KCNK9: variants seen among roughly 807,000 people sequenced by gnomAD.
KCNK9 encodes potassium channel subfamily K member 9.
A neutral mutation model predicts 10.8 loss-of-function variants in KCNK9; 1 was observed. That is an observed-to-expected ratio of 0.09 (90% CI 0.03 to 0.44). The LOEUF (loss-of-function observed/expected upper bound fraction) is 0.44, where lower values mean the gene tolerates loss of function less well. Ranked by LOEUF, KCNK9 falls within the 20% of genes least tolerant of loss-of-function variation. The pLI, the probability that KCNK9 is intolerant of heterozygous loss-of-function variation, is 0.97. For missense variants in KCNK9, 303 were observed against 515.0 expected, an observed-to-expected ratio of 0.59 and a Z score of 3.98; for synonymous variants, 231 against 222.7, an observed-to-expected ratio of 1.04 and a Z score of -0.33.
chr8:139,664,303 G>A (rs1270791270), intron 1 of KCNK9, among the ~76,000 whole-genome samples: 2 of 152,098 alleles, frequency 1.3e-5, no homozygotes, highest in Admixed American at 1.3e-4. Flanking sequence ...AGCAAACCCT[G>A]CTGGTTCCAC....
intron 1 of KCNK9, among the ~76,000 whole-genome samples, chr8:139,651,608 C>T (rs1033324448): frequency 6.6e-6 from 1 of 152,112 alleles, no homozygotes; most frequent in East Asian, 1.9e-4. Flanking sequence ...TGGTGTTGGA[C>T]CTTCTGTAGC....
chr8:139,663,005 C>T (rs531427511), intron 1 of KCNK9, among the ~76,000 whole-genome samples: 9 of 152,070 alleles, frequency 5.9e-5, no homozygotes, highest in African/African-American at 2.2e-4. Flanking sequence ...CACACCAGGG[C>T]AGCACCCCTC....
intron 1 of KCNK9, among the ~76,000 whole-genome samples, chr8:139,665,269 T>C (rs1380193511): frequency 3.9e-5 from 6 of 152,184 alleles, no homozygotes; most frequent in Non-Finnish European, 8.8e-5. Flanking sequence ...CTGCACTGCA[T>C]GGCTCATAGA....
chr8:139,609,777 G>T (rs1177166775), downstream of KCNK9, among the ~76,000 whole-genome samples: 1 of 152,186 alleles, frequency 6.6e-6, no homozygotes, highest in Non-Finnish European at 1.5e-5. Context: ...GCAACAGAGG[G>T]TGTTGGGGGA....
intron 1 of KCNK9, among the ~76,000 whole-genome samples, chr8:139,697,243 G>A (rs1051787247): frequency 6.6e-6 from 1 of 151,020 alleles, no homozygotes; most frequent in Non-Finnish European, 1.5e-5. Flanking sequence ...GGGTAGGTGG[G>A]TAGATGGGTG....
chr8:139,651,183 C>T (rs1815851019), intron 1 of KCNK9, among the ~76,000 whole-genome samples: 1 of 152,196 alleles, frequency 6.6e-6, no homozygotes, highest in Non-Finnish European at 1.5e-5. Flanking sequence ...AGCAGTTCCC[C>T]AAAATATGCC....
intron 1 of KCNK9, among the ~76,000 whole-genome samples, chr8:139,650,201 T>C (rs748881834): frequency 2.6e-5 from 4 of 152,172 alleles, no homozygotes; most frequent in Non-Finnish European, 5.9e-5. Context: ...TTTCAAGGGA[T>C]CATGCTGGCT....
intron 1 of KCNK9, among the ~76,000 whole-genome samples, chr8:139,636,245 CAG>C (rs1206484726): frequency 1.9e-4 from 29 of 152,356 alleles, no homozygotes; most frequent in African/African-American, 7.0e-4. Context: ...AAGGAATGCT[CAG>C]AGAGGCTAAG....
At chr8:139,606,667 G>A (rs1814229407) in intron 2 of KCNK9, among the ~76,000 whole-genome samples, 1 of 152,186 alleles carries the variant, frequency 6.6e-6, no homozygotes, top group African/African-American at 2.4e-5. Flanking sequence ...GGGATTATCA[G>A]CAATTTCTTG....
At chr8:139,649,537 G>A (rs1395816396) in intron 1 of KCNK9, among the ~76,000 whole-genome samples, 3 of 152,176 alleles carry the variant, frequency 2.0e-5, no homozygotes, top group Admixed American at 2.0e-4. Context: ...CCACCCCTGA[G>A]ATAGCCACAT....
chr8:139,610,709 G>GA (rs768215270), downstream of KCNK9, among the ~76,000 whole-genome samples: 9 of 152,230 alleles, frequency 5.9e-5, no homozygotes, highest in Non-Finnish European at 1.3e-4. Flanking sequence ...GTGCCTCCCT[G>GA]AAAGCCTGAG....
downstream of KCNK9, among the ~76,000 whole-genome samples, chr8:139,613,035 G>A (rs999365779): frequency 2.0e-5 from 3 of 152,180 alleles, no homozygotes; most frequent in African/African-American, 7.2e-5. Flanking sequence ...GGGACAATTG[G>A]GGATTTACAT....
At position 139,625,088 on chromosome 8, in the gene KCNK9, C is replaced by A. The variant is rs184976646; in HGVS notation, c.284-5989G>T. On this transcript the variant is annotated intron_variant, in intron 1 of 1. Transcript: ENST00000520439. ...AGAACTGGCCAAATTCATGGGTCCC[C>A]TCACCGAGAGCTGGGCCATGCAGCC... Among the ~76,000 whole-genome samples the A allele has an allele frequency of 5.4e-3, 825 of 152,290 alleles. 36 individuals are homozygous for A. Among genetic ancestry groups the A allele is most frequent in the Admixed American group, 0.048 (734 of 15,298 alleles).
At chr8:139,665,387 CTT>C (rs1816273218) in intron 1 of KCNK9, among the ~76,000 whole-genome samples, 1 of 152,206 alleles carries the variant, frequency 6.6e-6, no homozygotes, top group African/African-American at 2.4e-5. Flanking sequence ...CTGCCTCCCT[CTT>C]ATAAAGACGC....
At chr8:139,654,960 C>T (rs140637869) in intron 1 of KCNK9, among the ~76,000 whole-genome samples, 6 of 152,116 alleles carry the variant, frequency 3.9e-5, no homozygotes, top group East Asian at 1.9e-4. Flanking sequence ...GGGTGACGGA[C>T]GGACAAATGC....
At chr8:139,664,430 C>G (rs946396459) in intron 1 of KCNK9, among the ~76,000 whole-genome samples, 1 of 151,960 alleles carries the variant, frequency 6.6e-6, no homozygotes, top group Admixed American at 6.6e-5. Flanking sequence ...TACACAGCCT[C>G]TAGGCCTTAA....
chr8:139,666,779 C>G (rs1816313077), intron 1 of KCNK9, among the ~76,000 whole-genome samples: 2 of 152,272 alleles, frequency 1.3e-5, no homozygotes, highest in Non-Finnish European at 2.9e-5. Flanking sequence ...TTACCAACAT[C>G]TGGCTTGATT....
intron 1 of KCNK9, among the ~76,000 whole-genome samples, chr8:139,620,695 T>TC (rs951899134): frequency 1.3e-5 from 2 of 151,868 alleles, no homozygotes; most frequent in East Asian, 1.9e-4. Flanking sequence ...CAGAAGGCCT[T>TC]CCCCCCATCC....
chr8:139,620,358 T>C (rs1814739936), intron 1 of KCNK9, among the ~76,000 whole-genome samples: 1 of 152,232 alleles, frequency 6.6e-6, no homozygotes, highest in Admixed American at 6.5e-5. Context: ...CTGCTTTACC[T>C]TGGGTTCCAT....
Sources: allele counts gnomAD v4.1 joint callset (sites outside exome capture counted in the v4.1 genomes callset), GRCh38; gene constraint gnomAD v4.1.1; transcripts MANE v1.5; gene names NCBI Gene and HGNC (gene_info 2026-07-23, HGNC 2026-07-21).